MPP3: variants seen among roughly 807,000 people sequenced by gnomAD.
MPP3 encodes the protein MAGUK p55 subfamily member 3.
Under a neutral mutation model 80.7 loss-of-function variants are expected in MPP3, and 48 were observed. That is an observed-to-expected ratio of 0.59 (90% CI 0.47 to 0.76). The LOEUF is 0.76. Among genes scored for constraint, MPP3 ranks in the 30% least tolerant of loss-of-function variants. The pLI is 0.00. For synonymous variants in MPP3, 311 were observed against 297.6 expected, an observed-to-expected ratio of 1.04 and a Z score of -0.46; for missense variants, 620 against 763.0, an observed-to-expected ratio of 0.81 and a Z score of 2.21.
chr17:43,831,123 A>C (rs1002244041), intron 5 of MPP3, 121 bp downstream of exon 5: 1 of 881,104 alleles, frequency 1.1e-6, no homozygotes, highest in African/African-American at 1.7e-5. Flanking sequence ...GGAAGAAAAC[A>C]CCTCTTCACC....
chr17:43,814,645 T>A, intron 14 of MPP3: 2 of 316,714 alleles, frequency 6.3e-6, no homozygotes, highest in Non-Finnish European at 1.2e-5. Flanking sequence ...TTTCCTTACC[T>A]GTGAAATGAA....
rs1598330278 is a variant in MPP3, at chr17:43,811,195, C to T, written c.1266G>A (p.Arg422=). 2.5e-6 allele frequency: 4 copies of T among 1,613,738 alleles called. No homozygotes were observed. In the East Asian group the frequency reaches 6.7e-5, roughly 27 times the overall value. The change falls in exon 17 of 20, where the codon AGG becomes AGA. Residue 422 remains arginine, a synonymous_variant. Transcript: ENST00000398389. ...HFGVAVPHTT[R]PRKSHEKEGV... ...CTTCCTTCTCATGGCTCTTTCGGGGCCTGGTGGTATCTTTTAAAGAAAGAA... is the reference window on the plus strand; with the variant it reads ...CTTCCTTCTCATGGCTCTTTCGGGGTCTGGTGGTATCTTTTAAAGAAAGAA...
chr17:43,831,395 C>A, intron 4 of MPP3, 74 bp from the exon 5 acceptor site: 1 of 1,512,672 alleles, frequency 6.6e-7, no homozygotes, highest in Non-Finnish European at 9.2e-7. Context: ...ACATTTGGGG[C>A]AGCAGACTGG....
At chr17:43,820,599 A>AAAAAATAC (rs2045390706) in intron 11 of MPP3, among the ~76,000 whole-genome samples, 1 of 103,472 alleles carries the variant, frequency 9.7e-6, no homozygotes, top group Non-Finnish European at 2.2e-5. Flanking sequence ...TCAAAAAAAA[A>AAAAAATAC]AAAAATACAC....
At chr17:43,832,450 C>A (rs1375867875) in intron 2 of MPP3, among the ~76,000 whole-genome samples, 6 of 152,234 alleles carry the variant, frequency 3.9e-5, no homozygotes, top group Admixed American at 1.3e-4. Flanking sequence ...CTGTCCCCGA[C>A]CCCCCAAGAC....
intron 10 of MPP3, among the ~76,000 whole-genome samples, chr17:43,823,050 A>G (rs2045538830): frequency 6.6e-6 from 1 of 152,112 alleles, no homozygotes; most frequent in Non-Finnish European, 1.5e-5. Flanking sequence ...AACCTGCTTG[A>G]TAACACACCC....
rs2044989872 is a variant in MPP3 at position 43,814,026 on chromosome 17, C to T, written c.1240G>A (p.Gly414Ser). ...GCCCTCTTACGTGGAACAGCGACGC[C>T]AAAGTGCTGTGGGTTCTCAGCCACC... The part of the protein sequence containing the change: ...KVVAENPQHF[G>S]VAVPHTTRPR... Residue 414 changes from glycine to serine, a missense_variant, in exon 16 of 20, where the codon GGC becomes AGC. Gly to Ser is a moderately conservative substitution (Grantham distance 56). Coordinates refer to ENST00000398389, the MANE Select transcript of MPP3 (RefSeq NM_001932.6). 3 of 1,612,876 alleles carry T rather than the reference C, an allele frequency of 1.9e-6. No individual in the cohort carries two copies. In the African/African-American group the frequency reaches 4.0e-5, roughly 22 times the overall value.
chr17:43,816,691 T>C lies in MPP3; in HGVS notation c.953A>G (p.Gln318Arg), dbSNP rs1424553053. Residue 318 changes from glutamine to arginine, a missense_variant, in exon 13 of 20, where the codon CAG (glutamine) becomes CGG (arginine). By Grantham distance (43) the Gln-to-Arg change is conservative (BLOSUM62 1). Coordinates refer to ENST00000398389, the MANE Select transcript of MPP3 (RefSeq NM_001932.6). The part of the protein sequence containing the change: ...PQSLRKPPYD[Q>R]PCDKETCDCE... ...ACTGGGCCTACCTTTGTCACAAGGCTGATCATCTGCGGTTTGCACAAAAGA... is the reference window on the plus strand; with the variant it reads ...ACTGGGCCTACCTTTGTCACAAGGCCGATCATCTGCGGTTTGCACAAAAGA... The C allele has an allele frequency of 1.3e-6, 2 of 1,576,894 alleles. No homozygotes were observed. The highest frequency in any genetic ancestry group is 1.7e-6 in the Non-Finnish European group (2 of 1,160,654).
intron 13 of MPP3, 71 bp from the exon 14 acceptor site, chr17:43,816,150 C>T: frequency 2.9e-6 from 4 of 1,382,384 alleles, no homozygotes; most frequent in South Asian, 1.4e-5. Context: ...CACCCAGCCC[C>T]TGGATGGCCA....
intron 13 of MPP3, 38 bp downstream of exon 13, chr17:43,816,639 G>A (rs1468270705): frequency 6.4e-6 from 10 of 1,556,566 alleles, no homozygotes; most frequent in Non-Finnish European, 8.7e-6. Flanking sequence ...ACGGAAAAGG[G>A]GCCACGCCTG....
chr17:43,814,559 A>G, intron 14 of MPP3, 198 bp from the exon 15 acceptor site: 1 of 507,834 alleles, frequency 2.0e-6, no homozygotes, highest in South Asian at 3.5e-5. Flanking sequence ...GCATTCACAA[A>G]CTAGGGCTTA....
chr17:43,816,846 G>A, intron 12 of MPP3, 149 bp from the exon 13 acceptor site: 2 of 736,998 alleles, frequency 2.7e-6, no homozygotes, highest in South Asian at 1.6e-5. Context: ...CTGAGCTGTG[G>A]TACGTTATTA....
rs1200687806 is a variant in MPP3, at chr17:43,814,327, C to T, written c.1044G>A (p.Arg348=). 1.2e-6 allele frequency: 2 copies of T among 1,609,640 alleles called. No individual in the cohort carries two copies. The highest frequency in any genetic ancestry group is 1.1e-5 in the South Asian group (1 of 90,982). ...CTTCCTGCGAGCCACCCAGTCTCTC[C>T]CTACAGCCCAGCCGGAAGCTCCTCC... is the stretch of plus-strand genomic sequence containing the variant. ...GLRRSFRLGC[R]ERLGGSQEGK... The change falls in exon 15 of 20, where the codon AGG becomes AGA. Residue 348 remains arginine (R), a synonymous_variant. Transcript: ENST00000398389.
chr17:43,820,851 C>T lies in MPP3; in HGVS notation c.881+11G>A, dbSNP rs1212812680. The T allele has an allele frequency of 6.2e-7, 1 of 1,613,848 alleles. No homozygotes were observed. The highest frequency in any genetic ancestry group is 8.5e-7 in the Non-Finnish European group (1 of 1,179,860). Reference sequence around the variant, plus strand: ...CTGGAACCAGCCCTTCACAACATACCCCAGACCCACCTCTCCTGGAACCCC... The same window carrying T: ...CTGGAACCAGCCCTTCACAACATACTCCAGACCCACCTCTCCTGGAACCCC... On this transcript the variant is annotated intron_variant, in intron 11 of 19. Transcript: ENST00000398389.
rs1211813009 is a variant in MPP3, at chr17:43,814,248, C to T, written c.1123G>A (p.Ala375Thr). 1 of 1,613,402 alleles carries T rather than the reference C, an allele frequency of 6.2e-7. No homozygotes were observed. Among genetic ancestry groups the T allele is most frequent in the Non-Finnish European group, 8.5e-7 (1 of 1,179,994 alleles). The change falls in exon 15 of 20, where the codon GCC (alanine) becomes ACC (threonine). Residue 375 changes from alanine to threonine, a missense_variant. By Grantham distance (58) the Ala-to-Thr change is moderately conservative. Transcript: ENST00000398389. ...SPELLTYEEVARYQHQPGERP... is the reference protein window; with the variant it reads ...SPELLTYEEVTRYQHQPGERP... ...TCTCCGGGCTGGTGTTGGTACCTGG[C>T]CACCTCTTCGTAAGTCAGCAGCTCC...
Position 43,814,010 on chromosome 17 carries a change from C to A in MPP3, c.1255+1G>T. 6.2e-7 allele frequency: 1 copy of A among 1,610,240 alleles called. No individual in the cohort carries two copies. The highest frequency in any genetic ancestry group is 1.3e-5 in the African/African-American group (1 of 74,936). ...ACACACTCCCACATGGGCCCTCTTA[C>A]GTGGAACAGCGACGCCAAAGTGCTG... On this transcript the variant is annotated splice_donor_variant, in intron 16 of 19. Coordinates refer to ENST00000398389, the MANE Select transcript of MPP3 (RefSeq NM_001932.6). LOFTEE classifies it high-confidence loss of function.
At chr17:43,816,224 C>T (rs1439052389) in intron 13 of MPP3, 145 bp from the exon 14 acceptor site, 5 of 694,498 alleles carry the variant, frequency 7.2e-6, no homozygotes, top group South Asian at 2.2e-5. Flanking sequence ...ATGTCCTGGA[C>T]ACCCCAAGAA....
chr17:43,811,046 T>C, intron 17 of MPP3, 66 bp downstream of exon 17: 1 of 1,499,070 alleles, frequency 6.7e-7, no homozygotes, highest in South Asian at 1.1e-5. Flanking sequence ...CCAGGAGCTC[T>C]AGTGGAATAC....
intron 14 of MPP3, among the ~76,000 whole-genome samples, chr17:43,815,261 G>A (rs1214901662): frequency 6.6e-6 from 1 of 152,142 alleles, no homozygotes; most frequent in Admixed American, 6.5e-5. Flanking sequence ...GAGCCTGGGA[G>A]GCTGAGGCTG....
Sources: allele counts gnomAD v4.1 joint callset (sites outside exome capture counted in the v4.1 genomes callset), GRCh38; gene constraint gnomAD v4.1.1; transcripts MANE v1.5; gene names NCBI Gene and HGNC (gene_info 2026-07-23, HGNC 2026-07-21).